ULK4: variants seen among roughly 807,000 people sequenced by gnomAD.
ULK4 encodes the protein unc-51 like kinase 4.
In ULK4, 133 loss-of-function variants were observed where a neutral mutation model predicts 160.6. The ratio of observed to expected loss-of-function variants is 0.83; its 90% CI spans 0.72 to 0.96. The LOEUF is 0.96. Ranked by LOEUF, ULK4 falls within the 40% of genes least tolerant of loss-of-function variation. The pLI is 0.00. For synonymous variants in ULK4, 534 were observed against 539.8 expected (o/e 0.99, Z 0.15); for missense variants, 1,580 against 1,499.5 (o/e 1.05, Z -0.89).
Position 41,784,997 on chromosome 3 carries a change from C to T in ULK4, c.2193+4664G>A, listed in dbSNP as rs577442383. Reference sequence around the variant, plus strand: ...AGAAAAATACAGCATGTGGCTTAAACGACTGCTGGATAAATTACAAATAAA... The same window carrying T: ...AGAAAAATACAGCATGTGGCTTAAATGACTGCTGGATAAATTACAAATAAA... On this transcript the variant is annotated intron_variant, in intron 21 of 36. Transcript: ENST00000301831. Among the ~76,000 whole-genome samples, 40 of 152,274 alleles carry T rather than the reference C, an allele frequency of 2.6e-4. No individual in the cohort carries two copies. The South Asian group carries it at 6.6e-3, about 25-fold the overall frequency.
At chr3:41,932,245 C>A (rs1433662232) in intron 4 of ULK4, among the ~76,000 whole-genome samples, 6 of 151,868 alleles carry the variant, frequency 4.0e-5, no homozygotes, top group African/African-American at 1.5e-4. Flanking sequence ...ATCATATAAC[C>A]ATAGTGGAAA....
At chr3:41,811,325 A>G (rs973934948) in intron 19 of ULK4, among the ~76,000 whole-genome samples, 1 of 152,170 alleles carries the variant, frequency 6.6e-6, no homozygotes, top group African/African-American at 2.4e-5. Context: ...GTAGGACTAT[A>G]GGTGTACACC....
intron 30 of ULK4, among the ~76,000 whole-genome samples, chr3:41,616,608 G>A (rs1009370069): frequency 2.6e-5 from 4 of 152,166 alleles, no homozygotes; most frequent in South Asian, 2.1e-4. Flanking sequence ...TGGTTACTAC[G>A]CTTTTCCCAC....
chr3:41,580,281 T>C (rs745584802), intron 31 of ULK4, among the ~76,000 whole-genome samples: 3 of 152,094 alleles, frequency 2.0e-5, no homozygotes, highest in Non-Finnish European at 4.4e-5. Context: ...CATACATCAT[T>C]CTGCACCATT....
At chr3:41,312,128 C>G (rs913454670) in intron 35 of ULK4, among the ~76,000 whole-genome samples, 2 of 152,010 alleles carry the variant, frequency 1.3e-5, no homozygotes, top group Non-Finnish European at 2.9e-5. Flanking sequence ...ATATGTACTA[C>G]CAAACATGGC....
intron 35 of ULK4, among the ~76,000 whole-genome samples, chr3:41,366,449 C>A (rs1183989825): frequency 6.6e-6 from 1 of 151,912 alleles, no homozygotes. Context: ...CAGTCCTATA[C>A]AATTATATTT....
chr3:41,302,860 TTAGA>T (rs2079827147), intron 35 of ULK4, among the ~76,000 whole-genome samples: 1 of 152,212 alleles, frequency 6.6e-6, no homozygotes, highest in Admixed American at 6.5e-5. Context: ...ATGTCAAATT[TTAGA>T]TAGACAAGTT....
chr3:41,593,538 C>G (rs995018131), intron 31 of ULK4, among the ~76,000 whole-genome samples: 3 of 152,062 alleles, frequency 2.0e-5, no homozygotes, highest in African/African-American at 7.2e-5. Flanking sequence ...AAAGAGATGA[C>G]CGGTCTATAG....
intron 18 of ULK4, among the ~76,000 whole-genome samples, chr3:41,834,806 G>A (rs1034575561): frequency 1.3e-5 from 2 of 152,192 alleles, no homozygotes; most frequent in Admixed American, 1.3e-4. Flanking sequence ...CACTGTGGGA[G>A]GCCAAGGTGG....
At chr3:41,697,747 T>C (rs1404896404) in intron 27 of ULK4, among the ~76,000 whole-genome samples, 1 of 152,134 alleles carries the variant, frequency 6.6e-6, no homozygotes, top group Non-Finnish European at 1.5e-5. Flanking sequence ...TCTCCCAAAG[T>C]GCTAAGATTA....
intron 17 of ULK4, among the ~76,000 whole-genome samples, chr3:41,881,947 T>C (rs1697536922): frequency 6.6e-6 from 1 of 151,988 alleles, no homozygotes; most frequent in Admixed American, 6.6e-5. Flanking sequence ...AGGTAACAAA[T>C]ATGGTTCAGG....
intron 34 of ULK4, among the ~76,000 whole-genome samples, chr3:41,453,114 T>C (rs6809441): frequency 0.31 from 47,830 of 152,020 alleles, 7,749 homozygotes; most frequent in African/African-American, 0.37. Flanking sequence ...GGTAAAGCAC[T>C]AATAGAATCT....
At chr3:41,612,660 C>T (rs7637587) in intron 31 of ULK4, among the ~76,000 whole-genome samples, 2,933 of 152,230 alleles carry the variant, frequency 0.019, 97 homozygotes, top group African/African-American at 0.067. Flanking sequence ...CCATACAACT[C>T]CAGAAATGTC....
chr3:41,841,456 C>T (rs1354944410), intron 17 of ULK4, among the ~76,000 whole-genome samples: 21 of 148,020 alleles, frequency 1.4e-4, no homozygotes, highest in Non-Finnish European at 2.4e-4. Flanking sequence ...TCTGCCCGGC[C>T]GCCCCGTCTG....
intron 19 of ULK4, among the ~76,000 whole-genome samples, chr3:41,810,648 C>T (rs1201801078): frequency 2.6e-5 from 4 of 152,058 alleles, no homozygotes; most frequent in African/African-American, 9.7e-5. Context: ...GACCCTATCT[C>T]TATTTTAAAA....
intron 35 of ULK4, among the ~76,000 whole-genome samples, chr3:41,300,885 A>ATATATAT (rs2079782122): frequency 1.8e-5 from 2 of 110,252 alleles, no homozygotes; most frequent in African/African-American, 6.4e-5. Flanking sequence ...ATATATATAT[A>ATATATAT]TTTGGTATCT....
intron 35 of ULK4, among the ~76,000 whole-genome samples, chr3:41,274,749 C>T (rs762186668): frequency 4.6e-5 from 7 of 152,154 alleles, no homozygotes; most frequent in Non-Finnish European, 8.8e-5. Context: ...ACAACCAAAA[C>T]AGTCAATTCT....
intron 19 of ULK4, among the ~76,000 whole-genome samples, chr3:41,807,055 G>C (rs2040664336): frequency 6.6e-6 from 1 of 151,926 alleles, no homozygotes; most frequent in Non-Finnish European, 1.5e-5. Context: ...TTGATCCCAG[G>C]AGGCAGAGGT....
chr3:41,283,506 A>C (rs11718518), intron 35 of ULK4, among the ~76,000 whole-genome samples: 19,594 of 152,198 alleles, frequency 0.13, 1,683 homozygotes, highest in Non-Finnish European at 0.19. Context: ...AGGGACATGG[A>C]TGAAGCTGGA....
Sources: gnomAD v4.1 joint callset for allele counts (sites outside exome capture counted in the v4.1 genomes callset) on GRCh38, gnomAD v4.1.1 for gene constraint, MANE v1.5 for transcripts, NCBI Gene and HGNC (gene_info 2026-07-23, HGNC 2026-07-21) for gene names.